The following PFKM variants were observed in gnomAD, a reference collection of about 807,000 sequenced individuals.
The protein encoded by PFKM is ATP-dependent 6-phosphofructokinase, muscle type.
Under a neutral mutation model 95.5 loss-of-function variants are expected in PFKM, and 58 were observed. That is an observed-to-expected ratio of 0.61 (90% CI 0.49 to 0.76). The LOEUF (loss-of-function observed/expected upper bound fraction) is 0.76. Ranked by LOEUF, PFKM falls within the 30% of genes least tolerant of loss-of-function variation. The probability of loss-of-function intolerance (pLI) is 0.00; values close to 1 mark genes in which losing one functional copy is unlikely to be tolerated. For synonymous variants in PFKM, 336 were observed against 357.2 expected (o/e 0.94, Z 0.67); for missense variants, 678 against 1,005.4 (o/e 0.67, Z 4.40).
chr12:48,108,180 C>A lies in PFKM; in HGVS notation c.191C>A (p.Pro64His), dbSNP rs1170160146. The A allele has an allele frequency of 1.9e-6, 3 of 1,597,740 alleles. No homozygotes were observed. The South Asian group carries it at 3.3e-5, about 18-fold the overall frequency. The change falls in exon 3 of 25, where the codon CCT (proline) becomes CAT (histidine). Residue 64 changes from proline to histidine, a missense_variant. By Grantham distance (77) the Pro-to-His change is moderately conservative. Coordinates refer to the PFKM transcript ENST00000340802. ...GATCCAGACACCGTGGGAAGCATACCTGTTTTCAAAACTGGTGAGGCATGT... is the reference window on the plus strand; with the variant it reads ...GATCCAGACACCGTGGGAAGCATACATGTTTTCAAAACTGGTGAGGCATGT...
exon 2 of PFKM, chr12:48,107,393 A>C: frequency 1.3e-6 from 2 of 1,598,522 alleles, no homozygotes. Context: ...GACGAGTTTC[A>C]TCTGAAATTT....
At chr12:48,112,616 T>C (rs1328738601) in intron 3 of PFKM, among the ~76,000 whole-genome samples, 3 of 149,304 alleles carry the variant, frequency 2.0e-5, no homozygotes, top group African/African-American at 7.5e-5. Context: ...TGAGATCCAC[T>C]ACAGAATAAT....
intron 2 of PFKM, among the ~76,000 whole-genome samples, chr12:48,127,237 A>C (rs1592690965): frequency 6.6e-6 from 1 of 150,942 alleles, no homozygotes; most frequent in Non-Finnish European, 1.5e-5. Context: ...TTATCATGGA[A>C]CCCCCCTTCC....
chr12:48,110,223 G>A (rs1324218191), intron 3 of PFKM, among the ~76,000 whole-genome samples: 1 of 152,154 alleles, frequency 6.6e-6, no homozygotes, highest in Non-Finnish European at 1.5e-5. Context: ...TGTGAAACGG[G>A]AAAGAGCAGA....
upstream of PFKM, among the ~76,000 whole-genome samples, chr12:48,118,939 C>A (rs1210449111): frequency 1.3e-5 from 2 of 152,012 alleles, no homozygotes; most frequent in Non-Finnish European, 2.9e-5. Context: ...ACACAGACTC[C>A]CAAGAAATGT....
At chr12:48,136,303 T>G (rs1043288766) in intron 10 of PFKM, among the ~76,000 whole-genome samples, 1 of 152,136 alleles carries the variant, frequency 6.6e-6, no homozygotes, top group African/African-American at 2.4e-5. Flanking sequence ...TAGGATTGGC[T>G]TTTTTTTCCA....
exon 1 of PFKM, chr12:48,106,073 G>T (rs1317422499): frequency 1.4e-6 from 1 of 702,564 alleles, no homozygotes; most frequent in Non-Finnish European, 2.6e-6. Context: ...GGCCGGGCGC[G>T]GAACGCAAAA....
chr12:48,133,922 T>A (rs1949785458), intron 6 of PFKM, among the ~76,000 whole-genome samples: 1 of 152,168 alleles, frequency 6.6e-6, no homozygotes, highest in African/African-American at 2.4e-5. Flanking sequence ...AGGGTAATCC[T>A]AAAGGATTCC....
Position 48,144,090 on chromosome 12 carries a change from A to G in PFKM, c.1925A>G (p.Asn642Ser), listed in dbSNP as rs141550921. The G allele has an allele frequency of 3.5e-5, 56 of 1,613,920 alleles. No individual in the cohort carries two copies. Among genetic ancestry groups the G allele is most frequent in the Admixed American group, 3.0e-4 (18 of 60,004 alleles). ...AACTATACCACTGACTTCATTTTCA[A>G]CCTGTACTCTGAGGAGGGGAAGGGC... The part of the protein sequence containing the change: ...NENYTTDFIF[N>S]LYSEEGKGIF... The change falls in exon 20 of 23, where the codon AAC becomes AGC. Residue 642 changes from asparagine to serine, a missense_variant. Asn to Ser is a conservative substitution (Grantham distance 46, BLOSUM62 1). Coordinates refer to ENST00000359794, the MANE Select transcript of PFKM (RefSeq NM_000289.6).
chr12:48,136,935 A>G (rs1950154562), intron 10 of PFKM, among the ~76,000 whole-genome samples: 1 of 151,346 alleles, frequency 6.6e-6, no homozygotes, highest in South Asian at 2.1e-4. Context: ...TTAAATTTTT[A>G]GTAGAGATGG....
intron 3 of PFKM, among the ~76,000 whole-genome samples, chr12:48,113,784 G>T (rs1430502987): frequency 6.6e-6 from 1 of 152,184 alleles, no homozygotes; most frequent in Non-Finnish European, 1.5e-5. Flanking sequence ...GAGTCCTTTT[G>T]TGGGGTTTGA....
At chr12:48,125,133 C>T (rs1202922465) in intron 2 of PFKM, among the ~76,000 whole-genome samples, 2 of 152,132 alleles carry the variant, frequency 1.3e-5, no homozygotes, top group Non-Finnish European at 2.9e-5. Flanking sequence ...GGGCTGATGC[C>T]GTACCAAATC....
intron 15 of PFKM, 106 bp downstream of exon 15, chr12:48,141,487 C>A: frequency 1.0e-6 from 1 of 988,414 alleles, no homozygotes; most frequent in Non-Finnish European, 1.6e-6. Flanking sequence ...TTGTCTGGGT[C>A]CTCCACCCTC....
intron 12 of PFKM, 65 bp from the exon 13 acceptor site, chr12:48,139,779 CAGGAT>C: frequency 9.5e-7 from 1 of 1,050,022 alleles, no homozygotes; most frequent in South Asian, 1.3e-5. Context: ...CACTTCAGAC[CAGGAT>C]CTCCATGGCT....
At chr12:48,134,091 C>T in intron 6 of PFKM, 141 bp from the exon 7 acceptor site, 1 of 783,408 alleles carries the variant, frequency 1.3e-6, no homozygotes, top group East Asian at 2.4e-5. Flanking sequence ...TCCCCTAGGT[C>T]TTCCTGGTCT....
intron 2 of PFKM, among the ~76,000 whole-genome samples, chr12:48,127,516 G>A (rs879903707): frequency 3.9e-5 from 6 of 152,154 alleles, no homozygotes; most frequent in Non-Finnish European, 8.8e-5. Flanking sequence ...CCCTTGAAAT[G>A]TAATCACATT....
intron 2 of PFKM, among the ~76,000 whole-genome samples, chr12:48,124,631 A>G (rs923652246): frequency 6.6e-6 from 1 of 152,184 alleles, no homozygotes; most frequent in Non-Finnish European, 1.5e-5. Flanking sequence ...TCACTGCTGT[A>G]AGAAAAAGAC....
At chr12:48,118,627 T>C, upstream of PFKM, 6 of 990,846 alleles carry the variant, frequency 6.1e-6, no homozygotes, top group Non-Finnish European at 9.2e-6. Flanking sequence ...CATCTGACCC[T>C]TTTTCCAGAG....
chr12:48,145,172 C>G lies in PFKM; in HGVS notation c.2093-38C>G, dbSNP rs564331242. The G allele has an allele frequency of 6.2e-7, 1 of 1,609,486 alleles. No homozygotes were observed. The highest frequency in any genetic ancestry group is 1.1e-5 in the South Asian group (1 of 91,008). ...CGAGTGCCCTCTATAGAGGCTGGTT[C>G]CCCAGTATAGAAGCTGACTGCCCAT... is the stretch of plus-strand genomic sequence containing the variant. On this transcript the variant is annotated intron_variant, in intron 21 of 22. Transcript: ENST00000359794. The surrounding 1 kb of genome is among the most constrained non-coding windows in gnomAD (Gnocchi z 4.3).
Sources: gnomAD v4.1 joint callset for allele counts (sites outside exome capture counted in the v4.1 genomes callset) on GRCh38, gnomAD v4.1.1 for gene constraint, Gnocchi (gnomAD v3.1) non-coding constraint, MANE v1.5 for transcripts, NCBI Gene and HGNC (gene_info 2026-07-23, HGNC 2026-07-21) for gene names.